Variants in EHBP1 observed in about 807,000 individuals in gnomAD.
EHBP1 encodes the protein EH domain binding protein 1, also known as EH domain-binding protein 1.
A neutral mutation model predicts 144.0 loss-of-function variants in EHBP1; 55 were observed. That is an observed-to-expected ratio of 0.38 (90% CI 0.31 to 0.48). The LOEUF is 0.48. Among genes scored for constraint, EHBP1 ranks in the 20% least tolerant of loss-of-function variants. The probability of loss-of-function intolerance (pLI) is 0.98; values close to 1 mark genes in which losing one functional copy is unlikely to be tolerated. For missense variants in EHBP1, 1,200 were observed against 1,364.2 expected (o/e 0.88, Z 1.90); for synonymous variants, 469 against 472.7 (o/e 0.99, Z 0.10).
At chr2:62,929,534 T>G (rs77498970) in intron 10 of EHBP1, among the ~76,000 whole-genome samples, 15,370 of 151,380 alleles carry the variant, frequency 0.1, 996 homozygotes, top group Non-Finnish European at 0.14. Context: ...CTTTCATGAT[T>G]AAAAAAAAAT....
intron 1 of EHBP1, among the ~76,000 whole-genome samples, chr2:62,683,018 A>C (rs896428313): frequency 2.6e-5 from 4 of 152,230 alleles, no homozygotes; most frequent in Admixed American, 2.0e-4. Context: ...GGATGCTTTC[A>C]GTTGCAAGCA....
At chr2:62,869,088 C>A (rs1286501121) in intron 9 of EHBP1, among the ~76,000 whole-genome samples, 1 of 151,972 alleles carries the variant, frequency 6.6e-6, no homozygotes, top group Non-Finnish European at 1.5e-5. Flanking sequence ...CAAATTGATA[C>A]CACAATAAGA....
At position 62,904,847 on chromosome 2, in the gene EHBP1, A is replaced by G. The variant is rs150340767; in HGVS notation, c.1185+30315A>G. On this transcript the variant is annotated intron_variant, in intron 10 of 22. Coordinates refer to ENST00000431489, the MANE Select transcript of EHBP1 (RefSeq NM_001142616.3). ...CCCTAAATTCATGCTAAAGATTTCT[A>G]GTGTCTTACCATATGCTAGGAAATG... Among the ~76,000 whole-genome samples, 440 of 152,282 alleles carry G rather than the reference A, an allele frequency of 2.9e-3. 4 individuals are homozygous for G. The highest frequency in any genetic ancestry group is 9.9e-3 in the African/African-American group (410 of 41,560).
At chr2:62,993,047 T>C (rs2153223949) in intron 16 of EHBP1, among the ~76,000 whole-genome samples, 1 of 152,296 alleles carries the variant, frequency 6.6e-6, no homozygotes, top group South Asian at 2.1e-4. Flanking sequence ...ATAATTGTAG[T>C]TTCCTTAGCT....
intron 13 of EHBP1, among the ~76,000 whole-genome samples, chr2:62,951,017 CTG>C (rs757359355): frequency 1.3e-5 from 2 of 152,166 alleles, no homozygotes; most frequent in African/African-American, 2.4e-5. Context: ...TTCTCCACAA[CTG>C]TCTCTGGGAT....
At chr2:62,859,368 C>T (rs1289102383) in intron 8 of EHBP1, 77 bp downstream of exon 8, 10 of 1,360,638 alleles carry the variant, frequency 7.3e-6, no homozygotes, top group Non-Finnish European at 9.0e-6. Flanking sequence ...AAAATATTTT[C>T]TTCAGAGACT....
intron 2 of EHBP1, among the ~76,000 whole-genome samples, chr2:62,718,789 G>A (rs1173571541): frequency 6.6e-6 from 1 of 152,088 alleles, no homozygotes; most frequent in Non-Finnish European, 1.5e-5. Context: ...TTCTTACAGT[G>A]GTTCAGCTGT....
intron 2 of EHBP1, among the ~76,000 whole-genome samples, chr2:62,726,253 A>G (rs529118874): frequency 6.6e-6 from 1 of 152,292 alleles, no homozygotes; most frequent in Admixed American, 6.5e-5. Context: ...TCGAGTGTCC[A>G]TTGTGGTGGA....
chr2:62,899,433 T>G (rs1367438228), intron 10 of EHBP1, among the ~76,000 whole-genome samples: 2 of 152,210 alleles, frequency 1.3e-5, no homozygotes, highest in Admixed American at 1.3e-4. Context: ...CCTGTCCCTT[T>G]ATTGAGAATA....
At chr2:62,866,881 GA>G (rs1558821966) in intron 9 of EHBP1, among the ~76,000 whole-genome samples, 1 of 151,980 alleles carries the variant, frequency 6.6e-6, no homozygotes, top group African/African-American at 2.4e-5. Context: ...GAAGCCAAAT[GA>G]AACTCAAGCA....
At position 62,842,746 on chromosome 2, in the gene EHBP1, G is replaced by A. The variant is rs554106926; in HGVS notation, c.634+11588G>A. Among the ~76,000 whole-genome samples, 119 of 152,174 alleles carry A rather than the reference G, an allele frequency of 7.8e-4. 1 individual carries two copies. The highest frequency in any genetic ancestry group is 2.7e-3 in the African/African-American group (113 of 41,502). Reference sequence around the variant, plus strand: ...AGAATATGGTGTATTATTTATAGATGGCTTTTGATTAAAACTAAATCTCAA... The same window carrying A: ...AGAATATGGTGTATTATTTATAGATAGCTTTTGATTAAAACTAAATCTCAA... On this transcript the variant is annotated intron_variant, in intron 7 of 22. Transcript: ENST00000431489.
At chr2:62,935,729 A>C (rs2056339675) in intron 10 of EHBP1, among the ~76,000 whole-genome samples, 1 of 152,150 alleles carries the variant, frequency 6.6e-6, no homozygotes, top group African/African-American at 2.4e-5. Context: ...ATTGTTGAAT[A>C]AAAGTGATGA....
At chr2:62,987,482 A>G (rs914200252) in intron 15 of EHBP1, among the ~76,000 whole-genome samples, 1 of 152,188 alleles carries the variant, frequency 6.6e-6, no homozygotes, top group Non-Finnish European at 1.5e-5. Flanking sequence ...AGCCTTCATG[A>G]AAATGACAAA....
chr2:62,971,427 C>G (rs1055756763), intron 14 of EHBP1, among the ~76,000 whole-genome samples: 4 of 152,148 alleles, frequency 2.6e-5, no homozygotes, highest in Non-Finnish European at 4.4e-5. Flanking sequence ...AGTTGCTCAT[C>G]ATCTCTCTGT....
At chr2:62,946,816 T>C (rs1320633559) in intron 12 of EHBP1, among the ~76,000 whole-genome samples, 1 of 152,200 alleles carries the variant, frequency 6.6e-6, no homozygotes, top group Non-Finnish European at 1.5e-5. Flanking sequence ...TTTTAAATGT[T>C]TTTTTAGTGT....
intron 3 of EHBP1, among the ~76,000 whole-genome samples, chr2:62,761,069 A>G (rs2152305069): frequency 6.6e-6 from 1 of 152,218 alleles, no homozygotes; most frequent in Admixed American, 6.5e-5. Flanking sequence ...TAACCATAAG[A>G]GTTAAGGTTG....
chr2:62,819,081 C>G (rs1019267280), intron 5 of EHBP1, among the ~76,000 whole-genome samples: 3 of 152,072 alleles, frequency 2.0e-5, no homozygotes, highest in African/African-American at 7.2e-5. Context: ...CCTATATGCT[C>G]CATGAATATA....
At position 63,046,431 on chromosome 2, in the gene EHBP1, TA is replaced by T. The variant is rs1481120759; in HGVS notation, c.*932del. 6.5e-6 allele frequency: 1 copy of T among 152,700 alleles called. No individual in the cohort carries two copies. The highest frequency in any genetic ancestry group is 1.5e-5 in the Non-Finnish European group (1 of 68,042). The allele number at this position is 152,700 out of a possible 1,614,324, so 9.5% of individuals were successfully genotyped here. A position where few individuals can be genotyped will look rare whatever the true frequency, so the allele number is the denominator to read the frequency against. ...TGTGAAAATGGTTATGTTTATTTAT[TA>T]CAATACTGAGTCATATATAAATTTT... On this transcript the variant is annotated 3_prime_UTR_variant, in exon 23 of 23. Coordinates refer to ENST00000431489, the MANE Select transcript of EHBP1 (RefSeq NM_001142616.3).
intron 14 of EHBP1, among the ~76,000 whole-genome samples, chr2:62,976,600 C>G (rs965375015): frequency 6.6e-6 from 1 of 152,032 alleles, no homozygotes; most frequent in African/African-American, 2.4e-5. Context: ...TTTCTGTGTC[C>G]TCTTTTCCTC....
Sources: allele counts gnomAD v4.1 joint callset (sites outside exome capture counted in the v4.1 genomes callset), GRCh38; gene constraint gnomAD v4.1.1; transcripts MANE v1.5; gene names NCBI Gene and HGNC (gene_info 2026-07-23, HGNC 2026-07-21).